Variants in DAPK1 observed in about 807,000 individuals in gnomAD.
DAPK1 encodes death associated protein kinase 1, also known as death-associated protein kinase 1.
DAPK1 carries 56 observed loss-of-function variants against 144.9 expected under a neutral mutation model. That is an observed-to-expected ratio of 0.39 (90% confidence interval 0.31 to 0.48). The LOEUF is 0.48. Ranked by LOEUF, DAPK1 falls within the 20% of genes least tolerant of loss-of-function variation. DAPK1 has a pLI of 0.95. For synonymous variants in DAPK1, 690 were observed against 749.0 expected, an observed-to-expected ratio of 0.92 and a Z score of 1.29; for missense variants, 1,454 against 1,875.4, an observed-to-expected ratio of 0.78 and a Z score of 4.15.
intron 2 of DAPK1, among the ~76,000 whole-genome samples, chr9:87,594,497 G>A (rs577847813): frequency 2.0e-5 from 3 of 152,288 alleles, no homozygotes; most frequent in East Asian, 3.9e-4. Flanking sequence ...GATTCACTAC[G>A]GCAGTGAGTC....
chr9:87,689,462 A>C (rs751242377), intron 21 of DAPK1, among the ~76,000 whole-genome samples: 1 of 152,110 alleles, frequency 6.6e-6, no homozygotes, highest in African/African-American at 2.4e-5. Flanking sequence ...CCATTCTACA[A>C]ATTGTCTCTT....
chr9:87,583,140 A>C (rs933505943), intron 2 of DAPK1, among the ~76,000 whole-genome samples: 7 of 152,204 alleles, frequency 4.6e-5, no homozygotes, highest in African/African-American at 1.4e-4. Context: ...AATAAGGAGA[A>C]AGACTCTTAA....
intron 2 of DAPK1, among the ~76,000 whole-genome samples, chr9:87,546,544 A>G (rs987698143): frequency 2.0e-5 from 3 of 152,132 alleles, no homozygotes; most frequent in African/African-American, 7.2e-5. Context: ...GTTTCTAGGA[A>G]TCCACTAGTT....
chr9:87,593,136 A>G (rs1049168458), intron 2 of DAPK1, among the ~76,000 whole-genome samples: 2 of 152,234 alleles, frequency 1.3e-5, no homozygotes, highest in African/African-American at 4.8e-5. Flanking sequence ...CCTCAGTTGT[A>G]TTCAGTCTCC....
chr9:87,619,505 G>T (rs1191447792), intron 3 of DAPK1, among the ~76,000 whole-genome samples: 1 of 152,142 alleles, frequency 6.6e-6, no homozygotes, highest in Non-Finnish European at 1.5e-5. Flanking sequence ...GGACAGTGGG[G>T]TGAAGAGAGG....
chr9:87,552,955 C>G (rs1456357300), intron 2 of DAPK1, among the ~76,000 whole-genome samples: 1 of 152,142 alleles, frequency 6.6e-6, no homozygotes, highest in Non-Finnish European at 1.5e-5. Flanking sequence ...TAAGAACATT[C>G]ACGTTGTGTT....
At chr9:87,568,533 G>A (rs1440144420) in intron 2 of DAPK1, among the ~76,000 whole-genome samples, 3 of 152,208 alleles carry the variant, frequency 2.0e-5, no homozygotes, top group Non-Finnish European at 4.4e-5. Flanking sequence ...ATCTTCTTGT[G>A]CCTGCTCTGG....
intron 21 of DAPK1, among the ~76,000 whole-genome samples, chr9:87,693,254 TTTTG>T (rs796114223): frequency 4.6e-5 from 7 of 151,688 alleles, no homozygotes; most frequent in East Asian, 3.9e-4. Flanking sequence ...GTCACAAGAG[TTTTG>T]TTTATTTTTT....
At chr9:87,560,149 C>CCT (rs1399799585) in intron 2 of DAPK1, among the ~76,000 whole-genome samples, 1 of 139,884 alleles carries the variant, frequency 7.1e-6, no homozygotes, top group Non-Finnish European at 1.5e-5. Flanking sequence ...TGCCACCACG[C>CCT]CTGGCTAATT....
rs1446280769 is a variant in DAPK1, at chr9:87,706,632, G to A, written c.3561G>A (p.Leu1187=). ...ANRGAELLVL[L]VNHGQGIEVQ... ...GTGGGGCCGAGCTGCTGGTGCTGCT[G>A]GTCAACCACGGCCAGGGCATTGAGG... is the stretch of plus-strand genomic sequence containing the variant. Residue 1187 remains leucine (L), a synonymous_variant, in exon 26 of 26, where the codon CTG becomes CTA. Transcript: ENST00000408954. The surrounding 1 kb of genome is among the most constrained non-coding windows in gnomAD (Gnocchi z 9.0). 7 of 1,612,870 alleles carry A rather than the reference G, an allele frequency of 4.3e-6. No individual in the cohort carries two copies. The highest frequency in any genetic ancestry group is 2.2e-5 in the East Asian group (1 of 44,858).
At chr9:87,665,823 C>T (rs1420174187) in intron 18 of DAPK1, among the ~76,000 whole-genome samples, 10 of 152,164 alleles carry the variant, frequency 6.6e-5, no homozygotes, top group Admixed American at 2.0e-4. Flanking sequence ...CAAGAGACAC[C>T]GTGATTTCTG....
chr9:87,511,038 C>T (rs1172737908), intron 2 of DAPK1, among the ~76,000 whole-genome samples: 1 of 152,088 alleles, frequency 6.6e-6, no homozygotes. Context: ...GTTCCCGGGT[C>T]CTACCTCTTC....
chr9:87,556,605 T>C (rs7852573), intron 2 of DAPK1, among the ~76,000 whole-genome samples: 115,995 of 152,112 alleles, frequency 0.76, 45,092 homozygotes, highest in African/African-American at 0.92. Context: ...CTGCTGAAAC[T>C]CTGTGGAGTA....
rs543972472 is a variant in DAPK1 at position 87,700,877 on chromosome 9, A to T, written c.2871+640A>T. 2.0e-5 allele frequency among the ~76,000 whole-genome samples: 3 copies of T among 152,370 alleles called. No homozygotes were observed. The East Asian group carries it at 5.8e-4, about 29-fold the overall frequency. ...AGAAAATTCAGAAAAGTAGAAAAAC[A>T]GTCACAAACTTTTTTGAAAGACAGA... On this transcript the variant is annotated intron_variant, in intron 24 of 25. Coordinates refer to ENST00000408954, the MANE Select transcript of DAPK1 (RefSeq NM_004938.4).
chr9:87,680,209 A>C (rs1258037097), intron 19 of DAPK1, among the ~76,000 whole-genome samples: 1 of 152,038 alleles, frequency 6.6e-6, no homozygotes, highest in East Asian at 1.9e-4. Context: ...GGTTCACACC[A>C]TTCTCCTGCC....
Position 87,629,854 on chromosome 9 carries a change from G to T in DAPK1, c.285-8089G>T, listed in dbSNP as rs540924052. Among the ~76,000 whole-genome samples, 5 of 152,268 alleles carry T rather than the reference G, an allele frequency of 3.3e-5. No individual in the cohort carries two copies. The East Asian group carries it at 7.7e-4, about 24-fold the overall frequency. ...TCTAAATCCCCCTTCCCTTGGATCT[G>T]GATAGGCCCTTTTGATGCTGTGTGA... On this transcript the variant is annotated intron_variant, in intron 3 of 25. Transcript: ENST00000408954.
At position 87,507,565 on chromosome 9, in the gene DAPK1, T is replaced by C. The variant is rs533899617; in HGVS notation, c.62+8426T>C. 2.0e-5 allele frequency among the ~76,000 whole-genome samples: 3 copies of C among 152,300 alleles called. No individual in the cohort carries two copies. The East Asian group carries it at 5.8e-4, about 29-fold the overall frequency. Reference sequence around the variant, plus strand: ...TGTTTCAGTTGTGAGCTTGAAAAATTTTATTCAGTAACCTAACATATAATT... The same window carrying C: ...TGTTTCAGTTGTGAGCTTGAAAAATCTTATTCAGTAACCTAACATATAATT... On this transcript the variant is annotated intron_variant, in intron 2 of 25. Transcript: ENST00000408954.
intron 19 of DAPK1, among the ~76,000 whole-genome samples, chr9:87,676,937 G>A (rs910425230): frequency 1.7e-4 from 26 of 152,226 alleles, no homozygotes; most frequent in Admixed American, 6.5e-4. Flanking sequence ...ACCTGGTAGT[G>A]AGTTCTGGCT....
intron 3 of DAPK1, chr9:87,632,487 T>A (rs997494165): frequency 9.2e-6 from 9 of 978,892 alleles, no homozygotes; most frequent in African/African-American, 3.5e-5. Flanking sequence ...GTGATCAGTA[T>A]ATATGTAGGG....
Sources: allele counts gnomAD v4.1 joint callset (sites outside exome capture counted in the v4.1 genomes callset), GRCh38; gene constraint gnomAD v4.1.1; non-coding constraint Gnocchi (gnomAD v3.1); transcripts MANE v1.5; gene names NCBI Gene and HGNC (gene_info 2026-07-23, HGNC 2026-07-21).